Variants in SAMSN1 observed in about 807,000 individuals in gnomAD.
SAMSN1 encodes the protein SAM domain-containing protein SAMSN-1.
A neutral mutation model predicts 42.0 loss-of-function variants in SAMSN1; 31 were observed. The observed-to-expected ratio is 0.74, with a 90% CI of 0.55 to 1.00. The LOEUF (loss-of-function observed/expected upper bound fraction) is 1.00, where lower values mean the gene tolerates loss of function less well. SAMSN1 is among the 50% of genes least tolerant of loss of function. SAMSN1 has a pLI of 0.00. For missense variants in SAMSN1, 464 were observed against 439.4 expected (o/e 1.06, Z -0.50); for synonymous variants, 178 against 151.9 (o/e 1.17, Z -1.26).
At chr21:14,626,969 C>T (rs1983194612) in intron 2 of SAMSN1, among the ~76,000 whole-genome samples, 1 of 152,074 alleles carries the variant, frequency 6.6e-6, no homozygotes, top group Non-Finnish European at 1.5e-5. Flanking sequence ...GAGTTCATGT[C>T]CTTTGTAGGG....
intron 5 of SAMSN1, among the ~76,000 whole-genome samples, chr21:14,506,869 G>T (rs957303036): frequency 6.6e-6 from 1 of 152,026 alleles, no homozygotes; most frequent in African/African-American, 2.4e-5. Flanking sequence ...TTAATACCAG[G>T]GATGCTGGGA....
intron 5 of SAMSN1, among the ~76,000 whole-genome samples, chr21:14,605,811 T>G (rs539581979): frequency 3.2e-5 from 4 of 125,786 alleles, no homozygotes; most frequent in South Asian, 2.7e-4. Flanking sequence ...AAAGAAGATT[T>G]ATTTATTTAT....
intron 1 of SAMSN1, among the ~76,000 whole-genome samples, chr21:14,656,943 T>C (rs987029848): frequency 4.0e-5 from 6 of 151,834 alleles, no homozygotes; most frequent in Admixed American, 6.6e-5. Context: ...AATCTTTCCA[T>C]TAAACCAGTG....
intron 2 of SAMSN1, among the ~76,000 whole-genome samples, chr21:14,637,181 A>T (rs574544186): frequency 1.3e-5 from 2 of 152,322 alleles, no homozygotes; most frequent in South Asian, 4.1e-4. Context: ...TTTAATTTTA[A>T]TTTTAATTTA....
At chr21:14,541,798 C>T (rs997772610) in intron 1 of SAMSN1, among the ~76,000 whole-genome samples, 1 of 151,862 alleles carries the variant, frequency 6.6e-6, no homozygotes, top group African/African-American at 2.4e-5. Context: ...AAGTTGTTAG[C>T]CTGGACAATC....
intron 1 of SAMSN1, among the ~76,000 whole-genome samples, chr21:14,643,570 C>A (rs1202012032): frequency 2.0e-5 from 3 of 152,170 alleles, no homozygotes; most frequent in African/African-American, 7.2e-5. Context: ...TTAGCTTTCT[C>A]AACTGTAAAG....
intron 2 of SAMSN1, among the ~76,000 whole-genome samples, chr21:14,631,739 T>A (rs1257824512): frequency 6.6e-6 from 1 of 152,200 alleles, no homozygotes; most frequent in Non-Finnish European, 1.5e-5. Flanking sequence ...TATTGCATTA[T>A]TTTTAGGAAT....
At chr21:14,514,989 T>C (rs1431609991) in intron 3 of SAMSN1, among the ~76,000 whole-genome samples, 1 of 151,892 alleles carries the variant, frequency 6.6e-6, no homozygotes, top group African/African-American at 2.4e-5. Flanking sequence ...CTCAGGAAGA[T>C]GTTTCAAGGG....
At chr21:14,622,037 A>G (rs944696441) in intron 2 of SAMSN1, among the ~76,000 whole-genome samples, 2 of 152,222 alleles carry the variant, frequency 1.3e-5, no homozygotes, top group African/African-American at 4.8e-5. Context: ...CCTCCAGCAA[A>G]CACCAACATA....
chr21:14,603,008 A>G (rs1982475076), intron 5 of SAMSN1, among the ~76,000 whole-genome samples: 1 of 152,210 alleles, frequency 6.6e-6, no homozygotes, highest in African/African-American at 2.4e-5. Flanking sequence ...CAATAACTTA[A>G]TATTTAAAAT....
intron 2 of SAMSN1, among the ~76,000 whole-genome samples, chr21:14,626,525 A>G (rs1388404932): frequency 6.6e-6 from 1 of 152,248 alleles, no homozygotes; most frequent in Non-Finnish European, 1.5e-5. Flanking sequence ...AGACACATGA[A>G]AAAATGCTCA....
intron 1 of SAMSN1, among the ~76,000 whole-genome samples, chr21:14,543,232 C>T (rs1187019307): frequency 3.3e-5 from 5 of 152,070 alleles, no homozygotes; most frequent in African/African-American, 1.2e-4. Flanking sequence ...GCCTCTCAGC[C>T]TATACTGTAA....
intron 3 of SAMSN1, among the ~76,000 whole-genome samples, chr21:14,615,573 G>A (rs145778465): frequency 2.6e-4 from 40 of 152,276 alleles, no homozygotes; most frequent in African/African-American, 9.1e-4. Context: ...GCAGCTGGAT[G>A]TGCTGAATGT....
chr21:14,512,421 T>C lies in SAMSN1; in HGVS notation c.409+23A>G, dbSNP rs779298111. On this transcript the variant is annotated intron_variant, in intron 4 of 7. Coordinates refer to ENST00000400566, the MANE Select transcript of SAMSN1 (RefSeq NM_022136.5). ...AACCCAGACCTCACACCCAGGATCT[T>C]GTCCCTGATTCATTAGCCTTACTTG... 1.4e-5 allele frequency: 22 copies of C among 1,612,076 alleles called. No individual in the cohort carries two copies. In the African/African-American group the frequency reaches 2.4e-4, roughly 18 times the overall value.
intron 1 of SAMSN1, among the ~76,000 whole-genome samples, chr21:14,652,893 C>T (rs1019435809): frequency 1.3e-5 from 2 of 151,814 alleles, no homozygotes; most frequent in Admixed American, 1.3e-4. Context: ...ATAGACATTT[C>T]CAAAAGAGGA....
intron 3 of SAMSN1, chr21:14,615,957 C>A: frequency 1.8e-6 from 1 of 557,810 alleles, no homozygotes; most frequent in South Asian, 2.5e-5. Flanking sequence ...ATGAAGTTTA[C>A]CAAGTAAATT....
At chr21:14,538,302 C>T (rs1458133903) in intron 1 of SAMSN1, among the ~76,000 whole-genome samples, 2 of 152,020 alleles carry the variant, frequency 1.3e-5, no homozygotes, top group African/African-American at 4.8e-5. Flanking sequence ...AAAAATTGTA[C>T]CCCAGATGAA....
At chr21:14,633,229 TG>T (rs2123365435) in intron 2 of SAMSN1, among the ~76,000 whole-genome samples, 1 of 151,958 alleles carries the variant, frequency 6.6e-6, no homozygotes, top group African/African-American at 2.4e-5. Context: ...ACAGACACCA[TG>T]CACACCCTAT....
At chr21:14,537,705 G>T (rs925049075) in intron 1 of SAMSN1, among the ~76,000 whole-genome samples, 1 of 150,880 alleles carries the variant, frequency 6.6e-6, no homozygotes, top group South Asian at 2.1e-4. Flanking sequence ...CCAATCATCA[G>T]TTTTTTTTTT....
Sources: gnomAD v4.1 joint callset for allele counts (sites outside exome capture counted in the v4.1 genomes callset) on GRCh38, gnomAD v4.1.1 for gene constraint, MANE v1.5 for transcripts, NCBI Gene and HGNC (gene_info 2026-07-23, HGNC 2026-07-21) for gene names.